Variants in PAK5 observed in about 807,000 individuals in gnomAD.
The protein encoded by PAK5 is serine/threonine-protein kinase PAK 5.
Under a neutral mutation model 65.9 loss-of-function variants are expected in PAK5, and 16 were observed. The ratio of observed to expected loss-of-function variants is 0.24; its 90% CI spans 0.16 to 0.37. The LOEUF is 0.37. Among genes scored for constraint, PAK5 ranks in the 10% least tolerant of loss-of-function variants. The pLI is 1.00. For synonymous variants in PAK5, 371 were observed against 354.9 expected (o/e 1.05, Z -0.51); for missense variants, 785 against 903.9 (o/e 0.87, Z 1.69).
chr20:9,572,158 A>G (rs2045800588), intron 4 of PAK5, among the ~76,000 whole-genome samples: 2 of 150,648 alleles, frequency 1.3e-5, no homozygotes. Context: ...AAACGAGTTG[A>G]TTATCTATGT....
chr20:9,746,885 T>A, intron 1 of PAK5, among the ~76,000 whole-genome samples: 1 of 152,142 alleles, frequency 6.6e-6, no homozygotes, highest in Non-Finnish European at 1.5e-5. Context: ...AAAAAATTGA[T>A]GAATCCAGGA....
intron 1 of PAK5, among the ~76,000 whole-genome samples, chr20:9,825,801 T>C (rs1018786527): frequency 7.9e-5 from 12 of 152,214 alleles, no homozygotes; most frequent in African/African-American, 1.2e-4. Context: ...GTCATTTGCG[T>C]TATATTTAAA....
intron 3 of PAK5, among the ~76,000 whole-genome samples, chr20:9,591,428 G>T (rs867812937): frequency 6.6e-6 from 1 of 152,066 alleles, no homozygotes; most frequent in Admixed American, 6.6e-5. Context: ...CATATTCTGT[G>T]GGGGGCAGAA....
chr20:9,583,014 C>T (rs989697654), intron 3 of PAK5, among the ~76,000 whole-genome samples: 1 of 152,060 alleles, frequency 6.6e-6, no homozygotes, highest in African/African-American at 2.4e-5. Flanking sequence ...ATTTTCCCTG[C>T]CCTTCCCCCC....
chr20:9,705,688 A>C (rs956698523), intron 2 of PAK5, among the ~76,000 whole-genome samples: 1 of 152,130 alleles, frequency 6.6e-6, no homozygotes, highest in Non-Finnish European at 1.5e-5. Flanking sequence ...CCACTTCTAC[A>C]TATACTTCCT....
intron 1 of PAK5, among the ~76,000 whole-genome samples, chr20:9,712,068 G>A (rs1378267607): frequency 6.6e-6 from 1 of 152,134 alleles, no homozygotes; most frequent in Non-Finnish European, 1.5e-5. Context: ...TAACACACGT[G>A]TTTTCTCCAT....
At chr20:9,683,298 G>A (rs2047675020) in intron 2 of PAK5, among the ~76,000 whole-genome samples, 1 of 152,210 alleles carries the variant, frequency 6.6e-6, no homozygotes, top group African/African-American at 2.4e-5. Context: ...GACTCGGTTA[G>A]CTGTCCTTTT....
intron 3 of PAK5, among the ~76,000 whole-genome samples, chr20:9,604,558 A>T (rs539630717): frequency 1.3e-5 from 2 of 152,310 alleles, no homozygotes; most frequent in Admixed American, 1.3e-4. Context: ...TAAGTGGAGG[A>T]ATCAGGTTTT....
At chr20:9,620,492 C>T (rs1353402308) in intron 3 of PAK5, among the ~76,000 whole-genome samples, 5 of 152,174 alleles carry the variant, frequency 3.3e-5, no homozygotes, top group Non-Finnish European at 7.3e-5. Flanking sequence ...GGCAGTTGGA[C>T]CAGCAAGGCT....
chr20:9,539,138 T>C lies in PAK5; in HGVS notation c.*324A>G, dbSNP rs1333340144. On this transcript the variant is annotated 3_prime_UTR_variant, in exon 10 of 10. Transcript: ENST00000353224. ...AGTATTCTTTCAATATAGAAAATCC[T>C]ACATGTTACCCTGCATGTGGCTAGG... 1 of 241,864 alleles carries C rather than the reference T, an allele frequency of 4.1e-6. No individual in the cohort carries two copies. The highest frequency in any genetic ancestry group is 6.1e-5 in the East Asian group (1 of 16,338). 15.0% of individuals were successfully genotyped at this position (241,864 alleles called of 1,614,324 possible).
chr20:9,585,089 G>A (rs890619137), intron 3 of PAK5, among the ~76,000 whole-genome samples: 51 of 152,266 alleles, frequency 3.3e-4, no homozygotes, highest in African/African-American at 1.1e-3. Context: ...AACTATATTA[G>A]ATTTTTTTCA....
chr20:9,657,685 G>A (rs933280154), intron 2 of PAK5, among the ~76,000 whole-genome samples: 2 of 152,152 alleles, frequency 1.3e-5, no homozygotes, highest in Non-Finnish European at 2.9e-5. Flanking sequence ...GAGAGCAGCT[G>A]CAGGCCTACT....
chr20:9,750,856 A>G (rs959407905), intron 1 of PAK5, among the ~76,000 whole-genome samples: 2 of 152,098 alleles, frequency 1.3e-5, no homozygotes, highest in African/African-American at 4.8e-5. Context: ...CTCCACCAAT[A>G]AAATGGATTC....
intron 4 of PAK5, among the ~76,000 whole-genome samples, chr20:9,579,681 G>C (rs1477029436): frequency 6.6e-6 from 1 of 152,056 alleles, no homozygotes; most frequent in Non-Finnish European, 1.5e-5. Flanking sequence ...AACAAAATTG[G>C]CTTTATTTAA....
intron 1 of PAK5, among the ~76,000 whole-genome samples, chr20:9,772,901 G>C (rs1395820418): frequency 6.6e-6 from 1 of 152,184 alleles, no homozygotes; most frequent in Non-Finnish European, 1.5e-5. Flanking sequence ...GCACATGTTG[G>C]TTGAAAAATA....
At chr20:9,821,279 G>A (rs897524980) in intron 1 of PAK5, among the ~76,000 whole-genome samples, 2 of 152,132 alleles carry the variant, frequency 1.3e-5, no homozygotes, top group African/African-American at 4.8e-5. Context: ...TACTCAGGAG[G>A]CTGAGGTGGG....
intron 1 of PAK5, among the ~76,000 whole-genome samples, chr20:9,730,897 G>A (rs1283968554): frequency 2.0e-5 from 3 of 152,186 alleles, no homozygotes; most frequent in Non-Finnish European, 2.9e-5. Context: ...AACAGGAAAC[G>A]TTTCCCAAAA....
intron 3 of PAK5, among the ~76,000 whole-genome samples, chr20:9,611,852 G>A (rs1425985195): frequency 6.6e-6 from 1 of 152,150 alleles, no homozygotes; most frequent in Non-Finnish European, 1.5e-5. Context: ...ACAGAGGTGG[G>A]AATTTACTTG....
chr20:9,549,387 T>C (rs572598368), intron 7 of PAK5, among the ~76,000 whole-genome samples: 3 of 151,998 alleles, frequency 2.0e-5, no homozygotes, highest in South Asian at 2.1e-4. Context: ...GGAACCTAGA[T>C]AGAAAGTCAA....
Sources: allele counts gnomAD v4.1 joint callset (sites outside exome capture counted in the v4.1 genomes callset), GRCh38; gene constraint gnomAD v4.1.1; transcripts MANE v1.5; gene names NCBI Gene and HGNC (gene_info 2026-07-23, HGNC 2026-07-21).